Variants in PER3 observed in about 807,000 individuals in gnomAD.
PER3 encodes period circadian protein homolog 3.
PER3 carries 107 observed loss-of-function variants against 127.2 expected under a neutral mutation model. The observed-to-expected ratio is 0.84, with a 90% CI of 0.72 to 0.99. The LOEUF (loss-of-function observed/expected upper bound fraction) is 0.99, where lower values mean the gene tolerates loss of function less well. Among genes scored for constraint, PER3 ranks in the 50% least tolerant of loss-of-function variants. The pLI is 0.00. For synonymous variants in PER3, 618 were observed against 585.8 expected (o/e 1.05, Z -0.79); for missense variants, 1,560 against 1,525.8 (o/e 1.02, Z -0.37).
intron 21 of PER3, among the ~76,000 whole-genome samples, chr1:7,837,614 T>G (rs1184631550): frequency 6.6e-6 from 1 of 152,258 alleles, no homozygotes; most frequent in Non-Finnish European, 1.5e-5. Context: ...TGTTATGAGT[T>G]CTTCTCAATG....
intron 6 of PER3, 64 bp from the exon 7 acceptor site, chr1:7,798,461 C>T (rs1351932375): frequency 1.6e-6 from 2 of 1,253,338 alleles, no homozygotes; most frequent in African/African-American, 3.0e-5. Flanking sequence ...TTTCTCCCAG[C>T]CTTGTTTCGC....
chr1:7,826,505 G>C lies in PER3; in HGVS notation c.1983G>C (p.Glu661Asp). The C allele has an allele frequency of 6.2e-7, 1 of 1,612,654 alleles. No homozygotes were observed. The highest frequency in any genetic ancestry group is 8.5e-7 in the Non-Finnish European group (1 of 1,178,696). The change falls in exon 17 of 22, where the codon GAG (glutamate) becomes GAC (aspartate). Residue 661 changes from glutamate (E) to aspartate (D), a missense_variant. Glu to Asp is a conservative substitution (Grantham distance 45). Transcript: ENST00000377532. This position sits in a 1 kb window ranked among gnomAD's most constrained non-coding sequence, Gnocchi z 4.2. ...CCAGGGATGCTACCCTCTTCTGTGA[G>C]CCCTGGACCCTGAACATGCAGCCAG... Reference protein sequence around the residue: ...ETARDATLFCEPWTLNMQPAP... With the variant: ...ETARDATLFCDPWTLNMQPAP...
intron 10 of PER3, 164 bp downstream of exon 10, chr1:7,804,012 TAAAAG>T (rs1266054839): frequency 1.9e-6 from 1 of 534,512 alleles, no homozygotes; most frequent in Admixed American, 3.5e-5. Context: ...CCGTGAGCCT[TAAAAG>T]AAGTCATAAT....
At position 7,827,385 on chromosome 1, in the gene PER3, G is replaced by T; in HGVS notation, c.2456G>T (p.Gly819Val). 1 of 1,614,144 alleles carries T rather than the reference G, an allele frequency of 6.2e-7. No homozygotes were observed. Among genetic ancestry groups the T allele is most frequent in the Non-Finnish European group, 8.5e-7 (1 of 1,180,042 alleles). ...AFPLPAATSP[G>V]REYAAPGTAP... ...CCCCTCCCAGCCGCGACCTCACCCG[G>T]AAGAGAATACGCAGCCCCCGGAACT... The change falls in exon 18 of 22, where the codon GGA becomes GTA. Residue 819 changes from glycine (G) to valine (V), a missense_variant. Coordinates refer to ENST00000377532, the MANE Select transcript of PER3 (RefSeq NM_001377275.1).
At chr1:7,822,882 A>T (rs1351269114) in intron 16 of PER3, among the ~76,000 whole-genome samples, 1 of 152,116 alleles carries the variant, frequency 6.6e-6, no homozygotes, top group Non-Finnish European at 1.5e-5. Context: ...AATACAGTGA[A>T]ACCCCATCTC....
intron 5 of PER3, among the ~76,000 whole-genome samples, chr1:7,790,670 C>T (rs914607288): frequency 1.3e-5 from 2 of 152,176 alleles, no homozygotes; most frequent in Non-Finnish European, 2.9e-5. Context: ...TCCAAAGTCT[C>T]ATATGTGACA....
chr1:7,791,850 A>ATC (rs1281175092), intron 5 of PER3, among the ~76,000 whole-genome samples: 1 of 152,094 alleles, frequency 6.6e-6, no homozygotes, highest in Non-Finnish European at 1.5e-5. Flanking sequence ...CAAGTTCCTC[A>ATC]TCTCTCTCTG....
In PER3 at chr1:7,809,967, C is replaced by T. The variant is rs369756800; in HGVS notation, c.1317C>T (p.Ile439=). Residue 439 remains isoleucine, a synonymous_variant, in exon 12 of 22, where the codon ATC becomes ATT. Transcript: ENST00000377532. Reference sequence around the variant, plus strand: ...GGTCGCAGGAGCAGCTTGTCAGCATCGCCTCCTCCAGTGAGGCCAGTGGGC... The same window carrying T: ...GGTCGCAGGAGCAGCTTGTCAGCATTGCCTCCTCCAGTGAGGCCAGTGGGC... ...SSGSQEQLVS[I]ASSSEASGHR... 12 of 1,613,846 alleles carry T rather than the reference C, an allele frequency of 7.4e-6. No individual in the cohort carries two copies. Among genetic ancestry groups the T allele is most frequent in the Admixed American group, 3.3e-5 (2 of 60,006 alleles).
At position 7,827,670 on chromosome 1, in the gene PER3, AGTG is replaced by A. The variant is rs1307044934; in HGVS notation, c.2743_2745del (p.Trp915del). ...ACCAGCCAAAGGAGAGAGGAGGAAAAGTGGGAGGCACAAAGCGAGGGGCACCCG... is the reference window on the plus strand; with the variant it reads ...ACCAGCCAAAGGAGAGAGGAGGAAAAGGAGGCACAAAGCGAGGGGCACCCG... On this transcript the variant is annotated inframe_deletion, in exon 18 of 22. Transcript: ENST00000377532. 4.3e-6 allele frequency: 7 copies of A among 1,614,066 alleles called. No homozygotes were observed. The African/African-American group carries it at 9.3e-5, about 22-fold the overall frequency.
At chr1:7,836,186 C>T (rs1328993252) in intron 20 of PER3, among the ~76,000 whole-genome samples, 1 of 151,190 alleles carries the variant, frequency 6.6e-6, no homozygotes, top group Non-Finnish European at 1.5e-5. Flanking sequence ...TTAGTAGAGA[C>T]GGGGTTTGTT....
At position 7,801,178 on chromosome 1, in the gene PER3, G is replaced by A; in HGVS notation, c.859G>A (p.Glu287Lys). ...ACACACCCCAGGGTGTGTTTTTCTTGAAGTAGATGAAAAGTAAGTACTTCT... is the reference window on the plus strand; with the variant it reads ...ACACACCCCAGGGTGTGTTTTTCTTAAAGTAGATGAAAAGTAAGTACTTCT... ...TTHTPGCVFL[E>K]VDEKAVPLLG... Residue 287 changes from glutamate (E) to lysine (K), a missense_variant, in exon 8 of 22, where the codon GAA becomes AAA. Transcript: ENST00000377532. 1 of 1,580,492 alleles carries A rather than the reference G, an allele frequency of 6.3e-7. No individual in the cohort carries two copies. Among genetic ancestry groups the A allele is most frequent in the Non-Finnish European group, 8.7e-7 (1 of 1,155,348 alleles).
intron 13 of PER3, among the ~76,000 whole-genome samples, chr1:7,816,942 C>T (rs957192774): frequency 6.6e-6 from 1 of 152,216 alleles, no homozygotes; most frequent in Non-Finnish European, 1.5e-5. Flanking sequence ...AATGGATAAG[C>T]TATGTGTATC....
At chr1:7,798,423 G>A (rs1238779259) in intron 6 of PER3, 102 bp from the exon 7 acceptor site, 23 of 859,164 alleles carry the variant, frequency 2.7e-5, no homozygotes, top group Non-Finnish European at 4.1e-5. Flanking sequence ...ATGTGGGTAT[G>A]TCTGTCTTGG....
intron 7 of PER3, among the ~76,000 whole-genome samples, chr1:7,799,826 G>C (rs1039972141): frequency 1.3e-5 from 2 of 152,050 alleles, no homozygotes; most frequent in Non-Finnish European, 2.9e-5. Context: ...CTGGAGTGCA[G>C]TGTGTGGTCA....
chr1:7,809,077 A>G, intron 11 of PER3, 79 bp downstream of exon 11: 2 of 710,170 alleles, frequency 2.8e-6, no homozygotes, highest in South Asian at 1.8e-5. Flanking sequence ...CTTCACAAAA[A>G]TAAACTGTAA....
intron 18 of PER3, 46 bp from the exon 19 acceptor site, chr1:7,829,788 G>A: frequency 1.4e-6 from 2 of 1,475,508 alleles, no homozygotes; most frequent in Non-Finnish European, 1.9e-6. Flanking sequence ...ACTGTATTTT[G>A]TGATAAGAAG....
At chr1:7,785,057 G>A (rs777810906) in intron 2 of PER3, 52 bp downstream of exon 2, 1 of 1,550,970 alleles carries the variant, frequency 6.4e-7, no homozygotes, top group South Asian at 1.2e-5. Flanking sequence ...GTCCTTCCCT[G>A]GAGCAGGGAA....
At chr1:7,828,280 A>G (rs1475288672) in intron 18 of PER3, among the ~76,000 whole-genome samples, 1 of 152,200 alleles carries the variant, frequency 6.6e-6, no homozygotes, top group Non-Finnish European at 1.5e-5. Flanking sequence ...GGTAGGAGCT[A>G]TTTTATTTGT....
rs368404698 is a variant in PER3 at position 7,827,636 on chromosome 1, C to T, written c.2707C>T (p.Pro903Ser). Residue 903 changes from proline (P) to serine (S), a missense_variant, in exon 18 of 22, where the codon CCT (proline) becomes TCT (serine). Physicochemically the swap from Pro to Ser is moderately conservative, Grantham distance 74 (BLOSUM62 -1). Transcript: ENST00000377532. ...AATGAGTCCAACTCTGGACCCACCC[C>T]CTTCAGTCACCAGCCAAAGGAGAGA... ...SAMSPTLDPP[P>S]SVTSQRREEE... 6.2e-7 allele frequency: 1 copy of T among 1,614,222 alleles called. No individual in the cohort carries two copies. The highest frequency in any genetic ancestry group is 2.2e-5 in the East Asian group (1 of 44,884).
Sources: allele counts gnomAD v4.1 joint callset (sites outside exome capture counted in the v4.1 genomes callset), GRCh38; gene constraint gnomAD v4.1.1; non-coding constraint Gnocchi (gnomAD v3.1); transcripts MANE v1.5; gene names NCBI Gene and HGNC (gene_info 2026-07-23, HGNC 2026-07-21).